Variants in CARMIL1 observed in about 807,000 individuals in gnomAD.
CARMIL1 encodes capping protein regulator and myosin 1 linker 1, also known as F-actin-uncapping protein LRRC16A.
In CARMIL1, 90 loss-of-function variants were observed where a neutral mutation model predicts 177.1. That is an observed-to-expected ratio of 0.51 (90% CI 0.43 to 0.61). CARMIL1 has a LOEUF of 0.61. Ranked by LOEUF, CARMIL1 falls within the 20% of genes least tolerant of loss-of-function variation. The pLI is 0.00. For synonymous variants in CARMIL1, 577 were observed against 606.2 expected (o/e 0.95, Z 0.71); for missense variants, 1,380 against 1,667.0 (o/e 0.83, Z 3.00).
rs1037217586 is a variant in CARMIL1, at chr6:25,543,690, G to C, written c.2328+3612G>C. On this transcript the variant is annotated intron_variant, in intron 26 of 36. Coordinates refer to ENST00000329474, the MANE Select transcript of CARMIL1 (RefSeq NM_017640.6). ...TTTACTTATGATATGAGGCCTGAGG[G>C]GTTTAGGTGGCATTTTGTCAACTAT... is the stretch of plus-strand genomic sequence containing the variant. Among the ~76,000 whole-genome samples the C allele has an allele frequency of 3.3e-5, 5 of 152,076 alleles. No individual in the cohort carries two copies. The East Asian group carries it at 9.6e-4, about 29-fold the overall frequency.
chr6:25,356,099 G>A (rs1319773035), intron 2 of CARMIL1, among the ~76,000 whole-genome samples: 2 of 150,034 alleles, frequency 1.3e-5, no homozygotes, highest in African/African-American at 4.9e-5. Context: ...CGCCCAGGCC[G>A]GACTGCGGAC....
rs768287995 is a variant in CARMIL1, at chr6:25,520,331, G to A, written c.1962G>A (p.Leu654=). The part of the protein sequence containing the change: ...KTNPEKTEDA[L]QKIENYLLRN... ...ACCCTGAAAAAACAGAAGACGCTCT[G>A]CAAAAGGTATTAAAGAATCAGTAGC... The change falls in exon 23 of 37, where the codon CTG becomes CTA. Residue 654 remains leucine, a synonymous_variant. Transcript: ENST00000329474. 62 of 1,529,058 alleles carry A rather than the reference G, an allele frequency of 4.1e-5. 1 individual carries two copies. The Admixed American group carries it at 1.2e-3, about 29-fold the overall frequency. The allele number at this position is 1,529,058 out of a possible 1,614,324, so 94.7% of individuals were successfully genotyped here.
At position 25,495,164 on chromosome 6, in the gene CARMIL1, C is replaced by T. The variant is rs746017002; in HGVS notation, c.1274C>T (p.Ala425Val). Residue 425 changes from alanine to valine, a missense_variant, in exon 16 of 37, where the codon GCT becomes GTT. By Grantham distance (64) the Ala-to-Val change is moderately conservative (BLOSUM62 0). Coordinates refer to ENST00000329474, the MANE Select transcript of CARMIL1 (RefSeq NM_017640.6). ...SFKQFFSSSL[A>V]LMHINLSGTK... is the part of the protein sequence containing the mutation. ...AAGCAATTTTTTAGTAGTTCTCTGG[C>T]TTTGATGCACATCAACCTTTCAGGC... The T allele has an allele frequency of 1.2e-6, 2 of 1,613,218 alleles. No individual in the cohort carries two copies. Among genetic ancestry groups the T allele is most frequent in the Non-Finnish European group, 1.7e-6 (2 of 1,179,618 alleles).
chr6:25,602,990 A>G (rs1386072437), intron 33 of CARMIL1, among the ~76,000 whole-genome samples: 1 of 152,236 alleles, frequency 6.6e-6, no homozygotes, highest in Non-Finnish European at 1.5e-5. Context: ...CACAAAGGCA[A>G]TGGGCATTGT....
chr6:25,410,292 A>G (rs1794791904), intron 2 of CARMIL1, among the ~76,000 whole-genome samples: 1 of 152,220 alleles, frequency 6.6e-6, no homozygotes, highest in Non-Finnish European at 1.5e-5. Context: ...AGTTGAAATG[A>G]TGTAGGCTGG....
At chr6:25,501,585 G>T (rs1392319870) in intron 17 of CARMIL1, among the ~76,000 whole-genome samples, 2 of 152,162 alleles carry the variant, frequency 1.3e-5, no homozygotes, top group African/African-American at 4.8e-5. Context: ...TTCCCTGCCT[G>T]CTTCAGCCCT....
intron 2 of CARMIL1, among the ~76,000 whole-genome samples, chr6:25,401,241 A>G (rs1793856664): frequency 6.6e-6 from 1 of 152,068 alleles, no homozygotes; most frequent in Non-Finnish European, 1.5e-5. Context: ...TGCAATTGCT[A>G]ATTTTAATAT....
At chr6:25,410,500 A>G (rs1484182748) in intron 2 of CARMIL1, among the ~76,000 whole-genome samples, 1 of 152,222 alleles carries the variant, frequency 6.6e-6, no homozygotes, top group African/African-American at 2.4e-5. Flanking sequence ...AGAGTGGTCT[A>G]GCAGACTCCC....
intron 9 of CARMIL1, among the ~76,000 whole-genome samples, chr6:25,467,742 T>C (rs1752776): frequency 0.57 from 86,782 of 152,028 alleles, 24,891 homozygotes; most frequent in South Asian, 0.67. Flanking sequence ...GAGGGCTGCT[T>C]ATGCCACTTT....
intron 3 of CARMIL1, among the ~76,000 whole-genome samples, chr6:25,424,128 CTCAGCCAGTCA>C (rs796666749): frequency 1.4e-4 from 22 of 152,306 alleles, no homozygotes; most frequent in African/African-American, 5.1e-4. Context: ...TAATCACAGA[CTCAGCCAGTCA>C]TCCTTGTTGA....
Position 25,577,240 on chromosome 6 carries a change from A to G in CARMIL1, c.2743-3684A>G, listed in dbSNP as rs1812677349. 2.5e-6 allele frequency: 1 copy of G among 404,446 alleles called. No homozygotes were observed. The highest frequency in any genetic ancestry group is 2.2e-5 in the African/African-American group (1 of 46,050). 25.1% of individuals were successfully genotyped at this position (404,446 alleles called of 1,614,324 possible). Reference sequence around the variant, plus strand: ...GTGCCTGAAAGCAAGCAGAGTGTTGATGAAGAGGATACAAACATTCAAGAG... The same window carrying G: ...GTGCCTGAAAGCAAGCAGAGTGTTGGTGAAGAGGATACAAACATTCAAGAG... On this transcript the variant is annotated intron_variant, in intron 29 of 36. Coordinates refer to ENST00000329474, the MANE Select transcript of CARMIL1 (RefSeq NM_017640.6). The surrounding 1 kb of genome is among the most constrained non-coding windows in gnomAD (Gnocchi z 4.5).
chr6:25,349,282 C>A (rs1290064341), intron 2 of CARMIL1, among the ~76,000 whole-genome samples: 1 of 152,312 alleles, frequency 6.6e-6, no homozygotes, highest in South Asian at 2.1e-4. Context: ...TAGGAGGAAA[C>A]AGAAACCTGG....
chr6:25,365,538 G>A (rs976349270), intron 2 of CARMIL1, among the ~76,000 whole-genome samples: 14 of 152,044 alleles, frequency 9.2e-5, no homozygotes, highest in South Asian at 6.2e-4. Context: ...AAGAATTGCC[G>A]TCCGCCCCCC....
intron 2 of CARMIL1, among the ~76,000 whole-genome samples, chr6:25,336,657 G>C (rs1786270848): frequency 6.6e-6 from 1 of 152,148 alleles, no homozygotes; most frequent in Non-Finnish European, 1.5e-5. Context: ...TAGCTTTTAA[G>C]CCTGGAAAAC....
rs751613697 is a variant in CARMIL1 at position 25,517,389 on chromosome 6, TC to T, written c.1849del (p.Gln617ArgfsTer3). On this transcript the variant is annotated frameshift_variant, in exon 22 of 37. Coordinates refer to ENST00000329474, the MANE Select transcript of CARMIL1 (RefSeq NM_017640.6). LOFTEE classifies it high-confidence loss of function. ...DKNNITAQGF[Q>X]DIAVAMEKNY... Reference sequence around the variant, plus strand: ...AGAACAACATCACTGCACAAGGCTTTCAGGATATAGCTGTTGCTATGGAAAA... The same window carrying T: ...AGAACAACATCACTGCACAAGGCTTTAGGATATAGCTGTTGCTATGGAAAA... 1 of 1,613,488 alleles carries T rather than the reference TC, an allele frequency of 6.2e-7. No individual in the cohort carries two copies. The highest frequency in any genetic ancestry group is 8.5e-7 in the Non-Finnish European group (1 of 1,179,696).
chr6:25,284,003 C>A (rs978303710), intron 1 of CARMIL1, among the ~76,000 whole-genome samples: 2 of 152,144 alleles, frequency 1.3e-5, no homozygotes, highest in Non-Finnish European at 1.5e-5. Context: ...CAGACGTGAG[C>A]CAACGTGCCC....
At position 25,532,591 on chromosome 6, in the gene CARMIL1, A is replaced by G. The variant is rs987265129; in HGVS notation, c.2067+3698A>G. Among the ~76,000 whole-genome samples, 5 of 152,350 alleles carry G rather than the reference A, an allele frequency of 3.3e-5. 1 individual carries two copies. Among genetic ancestry groups the G allele is most frequent in the Admixed American group, 3.3e-4 (5 of 15,300 alleles). ...CCCTCTGTGACTAATGCCCTTGCCA[A>G]CTTGATAGCCATCATTCTCAGTCAT... On this transcript the variant is annotated intron_variant, in intron 24 of 36. Transcript: ENST00000329474.
At chr6:25,514,410 G>A (rs1182940624) in intron 20 of CARMIL1, among the ~76,000 whole-genome samples, 1 of 152,040 alleles carries the variant, frequency 6.6e-6, no homozygotes, top group East Asian at 1.9e-4. Flanking sequence ...AGCCAGGCAT[G>A]GTGGTGGGCG....
At chr6:25,585,920 G>A (rs564391387) in intron 31 of CARMIL1, among the ~76,000 whole-genome samples, 1 of 152,092 alleles carries the variant, frequency 6.6e-6, no homozygotes, top group East Asian at 1.9e-4. Context: ...TAGTACAGAA[G>A]AAAATGGAGT....
Sources: gnomAD v4.1 joint callset for allele counts (sites outside exome capture counted in the v4.1 genomes callset) on GRCh38, gnomAD v4.1.1 for gene constraint, Gnocchi (gnomAD v3.1) non-coding constraint, MANE v1.5 for transcripts, NCBI Gene and HGNC (gene_info 2026-07-23, HGNC 2026-07-21) for gene names.